Variants in CDKAL1 observed in about 807,000 individuals in gnomAD.
CDKAL1 encodes the protein threonylcarbamoyladenosine tRNA methylthiotransferase.
Under a neutral mutation model 68.2 loss-of-function variants are expected in CDKAL1, and 32 were observed. The ratio of observed to expected loss-of-function variants is 0.47; its 90% CI spans 0.35 to 0.63. The LOEUF (loss-of-function observed/expected upper bound fraction) is 0.63. CDKAL1 is among the 30% of genes least tolerant of loss of function. CDKAL1 has a pLI of 0.00. For missense variants in CDKAL1, 606 were observed against 696.7 expected (o/e 0.87, Z 1.47); for synonymous variants, 234 against 244.3 (o/e 0.96, Z 0.39).
At chr6:20,546,595 C>T (rs45559831) in intron 3 of CDKAL1, 72 bp downstream of exon 3, 351,643 of 1,329,196 alleles carry the variant, frequency 0.26, 51,447 homozygotes, top group East Asian at 0.55. Context: ...GCTCTGTCGC[C>T]CAGGCTGGAG....
intron 13 of CDKAL1, among the ~76,000 whole-genome samples, chr6:21,169,905 G>T (rs1005305040): frequency 9.2e-5 from 13 of 141,810 alleles, no homozygotes; most frequent in Non-Finnish European, 1.7e-4. Context: ...TCTCTCACCA[G>T]AACAGTACGG....
At chr6:20,655,702 C>G (rs1342944355) in intron 5 of CDKAL1, among the ~76,000 whole-genome samples, 1 of 152,114 alleles carries the variant, frequency 6.6e-6, no homozygotes, top group Non-Finnish European at 1.5e-5. Context: ...CCTCCCACCC[C>G]CGGTCTGTGG....
rs138757061 is a variant in CDKAL1, at chr6:20,878,848, G to A, written c.742+32670G>A. 1.7e-3 allele frequency among the ~76,000 whole-genome samples: 252 copies of A among 151,954 alleles called. 2 individuals carry two copies. The highest frequency in any genetic ancestry group is 6.0e-3 in the African/African-American group (247 of 41,432). ...AATCCCAGCACTTTGCGAGGCCAAC[G>A]TGGGCGGATCACCTGAGGTCAGGGG... On this transcript the variant is annotated intron_variant, in intron 9 of 15. Coordinates refer to ENST00000274695, the MANE Select transcript of CDKAL1 (RefSeq NM_017774.3).
intron 9 of CDKAL1, among the ~76,000 whole-genome samples, chr6:20,870,209 G>C (rs1276937432): frequency 6.6e-6 from 1 of 152,280 alleles, no homozygotes; most frequent in East Asian, 1.9e-4. Flanking sequence ...AAGATGTGGA[G>C]AGCTGTTCTG....
intron 7 of CDKAL1, among the ~76,000 whole-genome samples, chr6:20,764,897 T>G (rs1160101186): frequency 6.6e-6 from 1 of 152,190 alleles, no homozygotes; most frequent in Non-Finnish European, 1.5e-5. Context: ...TAGTATAGTC[T>G]GAATGTAGTG....
intron 12 of CDKAL1, among the ~76,000 whole-genome samples, chr6:21,102,793 C>T (rs1471511380): frequency 2.6e-5 from 4 of 152,178 alleles, no homozygotes; most frequent in African/African-American, 9.7e-5. Context: ...GGCACTCCTG[C>T]GTGACTCTAT....
intron 13 of CDKAL1, among the ~76,000 whole-genome samples, chr6:21,147,715 A>G (rs1469755085): frequency 2.0e-5 from 3 of 152,236 alleles, no homozygotes; most frequent in African/African-American, 4.8e-5. Flanking sequence ...CTGTGGAGGC[A>G]ACACTGGTGT....
At chr6:20,726,018 G>A (rs771040706) in intron 5 of CDKAL1, among the ~76,000 whole-genome samples, 1 of 150,380 alleles carries the variant, frequency 6.6e-6, no homozygotes, top group African/African-American at 2.4e-5. Context: ...CCTAAAATAC[G>A]TTTTTTTTTC....
chr6:20,872,676 A>G (rs901068146), intron 9 of CDKAL1, among the ~76,000 whole-genome samples: 1 of 151,212 alleles, frequency 6.6e-6, no homozygotes, highest in Non-Finnish European at 1.5e-5. Context: ...CTTTTAATCA[A>G]AGAGAACATA....
intron 7 of CDKAL1, among the ~76,000 whole-genome samples, chr6:20,763,358 C>A (rs1774552447): frequency 6.6e-6 from 1 of 152,278 alleles, no homozygotes; most frequent in Admixed American, 6.5e-5. Context: ...CCCGTTGTTG[C>A]TAGCCTCAGA....
chr6:21,152,270 C>G (rs1048599441), intron 13 of CDKAL1, among the ~76,000 whole-genome samples: 1 of 152,202 alleles, frequency 6.6e-6, no homozygotes, highest in African/African-American at 2.4e-5. Context: ...CCAGTAGTCT[C>G]TGTCTTCCTT....
chr6:20,974,339 G>A (rs1463205662), intron 10 of CDKAL1, among the ~76,000 whole-genome samples: 1 of 152,174 alleles, frequency 6.6e-6, no homozygotes, highest in East Asian at 1.9e-4. Flanking sequence ...GACCATATGA[G>A]CAATTAATCT....
chr6:20,790,425 G>A (rs1032129908), intron 8 of CDKAL1, among the ~76,000 whole-genome samples: 1 of 152,152 alleles, frequency 6.6e-6, no homozygotes, highest in Non-Finnish European at 1.5e-5. Flanking sequence ...CACAGAGAAT[G>A]ATGAGTCACT....
intron 13 of CDKAL1, 51 bp from the exon 14 acceptor site, chr6:21,197,970 A>G: frequency 5.2e-6 from 6 of 1,143,844 alleles, no homozygotes; most frequent in Admixed American, 2.1e-5. Context: ...TTTTGGATTC[A>G]CAGGTGTTTA....
At chr6:20,809,259 G>A (rs941253172) in intron 8 of CDKAL1, among the ~76,000 whole-genome samples, 2 of 152,104 alleles carry the variant, frequency 1.3e-5, no homozygotes, top group African/African-American at 4.8e-5. Context: ...CTTCCTTAAC[G>A]CAGTGGGTAT....
intron 5 of CDKAL1, among the ~76,000 whole-genome samples, chr6:20,652,803 C>T (rs2127763448): frequency 6.6e-6 from 1 of 152,284 alleles, no homozygotes; most frequent in South Asian, 2.1e-4. Context: ...TAAACATCTG[C>T]CACCCAGTGT....
intron 9 of CDKAL1, among the ~76,000 whole-genome samples, chr6:20,874,300 T>G (rs1293640734): frequency 9.4e-6 from 1 of 106,504 alleles, no homozygotes; most frequent in Admixed American, 9.2e-5. Flanking sequence ...TTTTTTTGTT[T>G]GTTTGTTTGT....
chr6:20,590,433 G>A (rs745798124), intron 4 of CDKAL1, among the ~76,000 whole-genome samples: 7 of 151,894 alleles, frequency 4.6e-5, no homozygotes, highest in Admixed American at 3.3e-4. Context: ...AGGTATACAC[G>A]TGCCACGGTG....
intron 12 of CDKAL1, among the ~76,000 whole-genome samples, chr6:21,085,027 C>T (rs796091592): frequency 1.6e-4 from 25 of 152,230 alleles, no homozygotes; most frequent in African/African-American, 5.5e-4. Flanking sequence ...TGTCAGGTAC[C>T]TGAAATCCTA....
Sources: allele counts gnomAD v4.1 joint callset (sites outside exome capture counted in the v4.1 genomes callset), GRCh38; gene constraint gnomAD v4.1.1; transcripts MANE v1.5; gene names NCBI Gene and HGNC (gene_info 2026-07-23, HGNC 2026-07-21).